CADM2: variants seen among roughly 807,000 people sequenced by gnomAD.
CADM2 encodes cell adhesion molecule 2, also known as immunoglobulin superfamily member 4D.
A neutral mutation model predicts 49.8 loss-of-function variants in CADM2; 12 were observed. The observed-to-expected ratio is 0.24, with a 90% CI of 0.15 to 0.39. CADM2 has a LOEUF of 0.39. CADM2 is among the 10% of genes least tolerant of loss of function. The probability of loss-of-function intolerance (pLI) is 1.00; values close to 1 mark genes in which losing one functional copy is unlikely to be tolerated. For missense variants in CADM2, 378 were observed against 492.3 expected (o/e 0.77, Z 2.20); for synonymous variants, 214 against 175.4 (o/e 1.22, Z -1.74).
chr3:85,382,794 T>C (rs1050176370), intron 1 of CADM2, among the ~76,000 whole-genome samples: 1 of 152,202 alleles, frequency 6.6e-6, no homozygotes, highest in Non-Finnish European at 1.5e-5. Flanking sequence ...TATTTGACAA[T>C]TTTAAAAGAA....
intron 1 of CADM2, among the ~76,000 whole-genome samples, chr3:85,289,144 T>G (rs1398808887): frequency 6.6e-6 from 1 of 152,166 alleles, no homozygotes. Context: ...AAGATGCACA[T>G]AAGTGGCAAG....
intron 1 of CADM2, among the ~76,000 whole-genome samples, chr3:85,509,017 T>G (rs889370235): frequency 1.3e-5 from 2 of 152,154 alleles, no homozygotes; most frequent in African/African-American, 4.8e-5. Context: ...TAATTGATGT[T>G]TTTATGAAGA....
chr3:85,899,329 C>T (rs1715778313), intron 5 of CADM2, among the ~76,000 whole-genome samples: 2 of 152,012 alleles, frequency 1.3e-5, no homozygotes, highest in Admixed American at 1.3e-4. Context: ...AAATTTTTAT[C>T]TAACGCAAGA....
chr3:85,303,783 G>A (rs998676061), intron 1 of CADM2, among the ~76,000 whole-genome samples: 1 of 151,810 alleles, frequency 6.6e-6, no homozygotes, highest in Admixed American at 6.6e-5. Context: ...TATGTTGTTT[G>A]CCAAAAAACA....
chr3:85,302,987 G>C (rs1056894070), intron 1 of CADM2, among the ~76,000 whole-genome samples: 1 of 151,930 alleles, frequency 6.6e-6, no homozygotes, highest in African/African-American at 2.4e-5. Context: ...TTCTAATGCA[G>C]TAAAAAGGTT....
At chr3:85,810,347 C>T (rs773432893) in intron 3 of CADM2, among the ~76,000 whole-genome samples, 1 of 151,962 alleles carries the variant, frequency 6.6e-6, no homozygotes, top group Non-Finnish European at 1.5e-5. Flanking sequence ...GGAAGATGAA[C>T]AGAAAGGAAA....
chr3:85,999,265 G>A lies in CADM2; in HGVS notation c.970+37618G>A, dbSNP rs560153260. Among the ~76,000 whole-genome samples, 45 of 141,066 alleles carry A rather than the reference G, an allele frequency of 3.2e-4. 2 individuals carry two copies. In the South Asian group the frequency reaches 8.0e-3, roughly 25 times the overall value. The allele number at this position is 141,066 out of a possible 152,430, so 92.5% of individuals were successfully genotyped here. On this transcript the variant is annotated intron_variant, in intron 8 of 9. Transcript: ENST00000383699. ...TGTAATCCCATCACTTTGGGAGGCC[G>A]AGGGTTGGGGGGTGGATCACTTGAG...
intron 3 of CADM2, among the ~76,000 whole-genome samples, chr3:85,853,129 G>A (rs1267736142): frequency 6.6e-6 from 1 of 151,994 alleles, no homozygotes; most frequent in African/African-American, 2.4e-5. Flanking sequence ...TGCCAGCATT[G>A]TCATTAGAAC....
At chr3:86,001,720 C>T (rs1459946229) in intron 8 of CADM2, among the ~76,000 whole-genome samples, 1 of 152,092 alleles carries the variant, frequency 6.6e-6, no homozygotes, top group African/African-American at 2.4e-5. Context: ...CAGTAGGAAA[C>T]TAGGTGATCC....
At chr3:85,875,066 A>G (rs1258290331) in intron 3 of CADM2, among the ~76,000 whole-genome samples, 1 of 152,196 alleles carries the variant, frequency 6.6e-6, no homozygotes, top group African/African-American at 2.4e-5. Flanking sequence ...GGTTTCAGTA[A>G]AAATTCGGTC....
intron 1 of CADM2, among the ~76,000 whole-genome samples, chr3:85,414,770 T>C (rs924555643): frequency 2.0e-5 from 3 of 152,204 alleles, no homozygotes; most frequent in Admixed American, 2.0e-4. Flanking sequence ...TTACTTTACA[T>C]TGACTGACAT....
intron 3 of CADM2, among the ~76,000 whole-genome samples, chr3:85,877,593 G>A (rs184331394): frequency 6.6e-6 from 1 of 150,930 alleles, no homozygotes; most frequent in Admixed American, 6.6e-5. Context: ...ATTTTCCAGT[G>A]AACTGTCACT....
chr3:85,946,907 C>A (rs758960904), intron 7 of CADM2, among the ~76,000 whole-genome samples: 1 of 152,178 alleles, frequency 6.6e-6, no homozygotes, highest in African/African-American at 2.4e-5. Flanking sequence ...ATGTCTAAAA[C>A]ACCAAAAGCA....
At chr3:85,454,135 A>C (rs1292111296) in intron 1 of CADM2, among the ~76,000 whole-genome samples, 1 of 152,074 alleles carries the variant, frequency 6.6e-6, no homozygotes, top group Non-Finnish European at 1.5e-5. Flanking sequence ...CGGGCAGATC[A>C]CCTGAGGGCA....
At chr3:85,017,794 G>A (rs867715260) in intron 1 of CADM2, among the ~76,000 whole-genome samples, 6 of 152,056 alleles carry the variant, frequency 3.9e-5, no homozygotes, top group African/African-American at 9.7e-5. Context: ...GCTTGTTTTC[G>A]TGACATGGAG....
At chr3:85,773,086 A>G (rs1466500838) in intron 2 of CADM2, among the ~76,000 whole-genome samples, 1 of 151,994 alleles carries the variant, frequency 6.6e-6, no homozygotes, top group Admixed American at 6.6e-5. Context: ...TGATCCCAAG[A>G]GTGGGCCTCT....
intron 1 of CADM2, among the ~76,000 whole-genome samples, chr3:85,327,757 A>G (rs1024717236): frequency 1.1e-4 from 17 of 152,054 alleles, no homozygotes; most frequent in African/African-American, 3.9e-4. Context: ...TTTTATTTAC[A>G]GATTTTGTTT....
At chr3:85,700,272 G>T (rs2066713654) in intron 1 of CADM2, among the ~76,000 whole-genome samples, 1 of 152,102 alleles carries the variant, frequency 6.6e-6, no homozygotes, top group South Asian at 2.1e-4. Context: ...ACTCATAAAT[G>T]GGAGTTGAAC....
At chr3:85,986,384 A>G (rs1728112367) in intron 8 of CADM2, among the ~76,000 whole-genome samples, 1 of 152,074 alleles carries the variant, frequency 6.6e-6, no homozygotes, top group South Asian at 2.1e-4. Context: ...TCATCTTGAC[A>G]CAGTTAAATC....
Sources: allele counts gnomAD v4.1 joint callset (sites outside exome capture counted in the v4.1 genomes callset), GRCh38; gene constraint gnomAD v4.1.1; transcripts MANE v1.5; gene names NCBI Gene and HGNC (gene_info 2026-07-23, HGNC 2026-07-21).